Variants in BCAT1 observed in about 807,000 individuals in gnomAD.
BCAT1 encodes branched chain amino acid transaminase 1.
In BCAT1, 48 loss-of-function variants were observed where a neutral mutation model predicts 52.4. That is an observed-to-expected ratio of 0.92 (90% CI 0.73 to 1.16). The LOEUF (loss-of-function observed/expected upper bound fraction) is 1.16, where lower values mean the gene tolerates loss of function less well. Among genes scored for constraint, BCAT1 ranks in the 50% most tolerant of loss-of-function variants. The probability of loss-of-function intolerance (pLI) is 0.00; values close to 1 mark genes in which losing one functional copy is unlikely to be tolerated. For missense variants in BCAT1, 451 were observed against 457.1 expected (o/e 0.99, Z 0.12); for synonymous variants, 167 against 161.3 (o/e 1.04, Z -0.27).
In BCAT1 at chr12:24,949,065, C is replaced by T; in HGVS notation, c.-133G>A. ...CTGCAGCAAGACCTGGGGCAGTGCCCGAGGCGGCGGCGAGTACACGTGGCG... is the reference window on the plus strand; with the variant it reads ...CTGCAGCAAGACCTGGGGCAGTGCCTGAGGCGGCGGCGAGTACACGTGGCG... On this transcript the variant is annotated 5_prime_UTR_variant, in exon 1 of 11. Transcript: ENST00000261192. 1.1e-6 allele frequency: 1 copy of T among 873,522 alleles called. No homozygotes were observed. Among genetic ancestry groups the T allele is most frequent in the Admixed American group, 2.7e-5 (1 of 36,780 alleles). The allele number at this position is 873,522 out of a possible 1,614,324, so 54.1% of individuals were successfully genotyped here.
chr12:24,874,184 C>T (rs573943205), intron 5 of BCAT1, among the ~76,000 whole-genome samples: 38 of 152,096 alleles, frequency 2.5e-4, no homozygotes, highest in East Asian at 1.2e-3. Flanking sequence ...CATGGTGGCA[C>T]GCACCTGTAG....
intron 2 of BCAT1, 96 bp from the exon 3 acceptor site, chr12:24,894,571 C>G: frequency 9.3e-7 from 1 of 1,075,090 alleles, no homozygotes; most frequent in Non-Finnish European, 1.3e-6. Flanking sequence ...AATCAATTGA[C>G]TTTTAAAGGT....
chr12:24,821,299 T>A (rs151156137), intron 10 of BCAT1, among the ~76,000 whole-genome samples: 3 of 152,194 alleles, frequency 2.0e-5, no homozygotes, highest in African/African-American at 4.8e-5. Context: ...CAGATCCTGC[T>A]CCTATCTCAT....
rs1677693710 is a variant in BCAT1 at position 24,832,686 on chromosome 12, T to C, written c.1044+37A>G. 5.8e-6 allele frequency: 9 copies of C among 1,563,708 alleles called. No individual in the cohort carries two copies. In the South Asian group the frequency reaches 6.0e-5, roughly 10 times the overall value. ...TTAAATTAAATGTAATTTAATGTGA[T>C]TGGAAATGATAGGAAATGAGGAAAT... On this transcript the variant is annotated intron_variant, in intron 9 of 10. Coordinates refer to ENST00000261192, the MANE Select transcript of BCAT1 (RefSeq NM_005504.7).
chr12:24,848,912 G>A (rs1941421533), intron 6 of BCAT1, among the ~76,000 whole-genome samples: 1 of 152,138 alleles, frequency 6.6e-6, no homozygotes, highest in African/African-American at 2.4e-5. Flanking sequence ...AAAGAAAAAG[G>A]AAATACAGCA....
At chr12:24,830,823 C>A (rs898423408) in intron 9 of BCAT1, 2 of 152,196 alleles carry the variant, frequency 1.3e-5, no homozygotes, top group Non-Finnish European at 2.9e-5. Context: ...CAATTCTTCT[C>A]CCATGAAACA....
intron 3 of BCAT1, among the ~76,000 whole-genome samples, chr12:24,887,793 C>G (rs758504600): frequency 1.3e-5 from 2 of 152,064 alleles, no homozygotes; most frequent in Admixed American, 6.5e-5. Context: ...TCCTTCAATC[C>G]GCGTTCCCTA....
At chr12:24,855,474 A>T (rs1412634656) in intron 5 of BCAT1, among the ~76,000 whole-genome samples, 1 of 152,098 alleles carries the variant, frequency 6.6e-6, no homozygotes, top group Non-Finnish European at 1.5e-5. Flanking sequence ...TCCACCTCCC[A>T]GGTTCAAGCG....
intron 10 of BCAT1, among the ~76,000 whole-genome samples, chr12:24,820,212 C>A (rs1298640022): frequency 1.3e-5 from 2 of 152,178 alleles, no homozygotes; most frequent in African/African-American, 2.4e-5. Context: ...GCATAATATG[C>A]ACTAAGCTTT....
At chr12:24,885,188 A>T (rs138034355) in intron 3 of BCAT1, among the ~76,000 whole-genome samples, 1 of 152,300 alleles carries the variant, frequency 6.6e-6, no homozygotes, top group African/African-American at 2.4e-5. Context: ...GAACACAGAA[A>T]ATCTGACAGA....
chr12:24,810,938 C>CT lies in BCAT1; in HGVS notation c.*7069dup, dbSNP rs1939659254. ...TCATTGAAGATCTCTAGGCCTTTTA[C>CT]TTTTTAAAGTGTCTTTTATTCTAAA... On this transcript the variant is annotated 3_prime_UTR_variant, in exon 11 of 11. Transcript: ENST00000261192. The CT allele has an allele frequency of 1.3e-5, 2 of 152,110 alleles. No homozygotes were observed. Among genetic ancestry groups the CT allele is most frequent in the African/African-American group, 4.8e-5 (2 of 41,438 alleles). 9.4% of individuals were successfully genotyped at this position (152,110 alleles called of 1,614,324 possible).
chr12:24,864,982 AC>A (rs762282575), intron 5 of BCAT1, among the ~76,000 whole-genome samples: 1 of 151,990 alleles, frequency 6.6e-6, no homozygotes, highest in Non-Finnish European at 1.5e-5. Context: ...TTTTCTTTCT[AC>A]CTTGCAGGCT....
intron 1 of BCAT1, chr12:24,902,644 A>C (rs745433795): frequency 2.1e-4 from 98 of 472,538 alleles, no homozygotes; most frequent in Non-Finnish European, 3.2e-4. Context: ...CCTCCCTCAG[A>C]GCGAGTCCAT....
At chr12:24,912,393 A>G (rs1591869673) in intron 1 of BCAT1, among the ~76,000 whole-genome samples, 1 of 152,008 alleles carries the variant, frequency 6.6e-6, no homozygotes, top group South Asian at 2.1e-4. Context: ...AGTGGTGGGC[A>G]CCTGTAGTCC....
intron 10 of BCAT1, 55 bp from the exon 11 acceptor site, chr12:24,818,104 A>G: frequency 1.9e-6 from 3 of 1,579,176 alleles, no homozygotes; most frequent in Non-Finnish European, 2.6e-6. Flanking sequence ...GGGCAGAAAT[A>G]GCTTACAAAC....
In BCAT1 at chr12:24,814,147, G is replaced by C. The variant is rs201785312; in HGVS notation, c.*3861C>G. 3.3e-5 allele frequency: 5 copies of C among 152,150 alleles called. No homozygotes were observed. The East Asian group carries it at 9.6e-4, about 29-fold the overall frequency. The allele number at this position is 152,150 out of a possible 1,614,324, so 9.4% of individuals were successfully genotyped here. On this transcript the variant is annotated 3_prime_UTR_variant, in exon 11 of 11. Transcript: ENST00000261192. ...AAATGTCTACTAAAATTACCTGCTA[G>C]CATTACTACGTATAACTGAAGTTTT...
intron 10 of BCAT1, among the ~76,000 whole-genome samples, chr12:24,819,231 G>A (rs1334270274): frequency 6.6e-6 from 1 of 151,900 alleles, no homozygotes; most frequent in Non-Finnish European, 1.5e-5. Context: ...ATCTTTCCAA[G>A]CCAGTGTATC....
chr12:24,898,798 G>A (rs1056238314), intron 2 of BCAT1, among the ~76,000 whole-genome samples: 11 of 152,188 alleles, frequency 7.2e-5, no homozygotes, highest in African/African-American at 2.4e-4. Context: ...TTACAGGGGT[G>A]AGTCACCATG....
rs753076380 is a variant in BCAT1 at position 24,894,254 on chromosome 12, C to T, written c.279+21G>A. 4 of 1,610,728 alleles carry T rather than the reference C, an allele frequency of 2.5e-6. No individual in the cohort carries two copies. In the South Asian group the frequency reaches 4.4e-5, roughly 18 times the overall value. On this transcript the variant is annotated intron_variant, in intron 3 of 10. Transcript: ENST00000261192. ...CAGTGAAGTGCAAGCATGTCACTCT[C>T]TTTAATTCCCATGTACTTACTTCCA...
Sources: gnomAD v4.1 joint callset for allele counts (sites outside exome capture counted in the v4.1 genomes callset) on GRCh38, gnomAD v4.1.1 for gene constraint, MANE v1.5 for transcripts, NCBI Gene and HGNC (gene_info 2026-07-23, HGNC 2026-07-21) for gene names.